The following TFEB variants were observed in gnomAD, a reference collection of about 807,000 sequenced individuals.
TFEB encodes transcription factor EB, also known as T-cell transcription factor EB.
Under a neutral mutation model 48.0 loss-of-function variants are expected in TFEB, and 12 were observed. That is an observed-to-expected ratio of 0.25 (90% CI 0.16 to 0.40). The LOEUF is 0.40. TFEB is among the 10% of genes least tolerant of loss of function. The pLI is 1.00. For missense variants in TFEB, 509 were observed against 640.3 expected (o/e 0.79, Z 2.21); for synonymous variants, 244 against 261.4 (o/e 0.93, Z 0.64).
intron 1 of TFEB, among the ~76,000 whole-genome samples, chr6:41,704,577 G>C (rs1770106953): frequency 6.6e-6 from 1 of 152,234 alleles, no homozygotes; most frequent in East Asian, 1.9e-4. Context: ...CTGTTTGCTG[G>C]TTAGAAACAG....
chr6:41,710,472 G>C lies in TFEB; in HGVS notation c.-22-19237C>G, dbSNP rs73735937. On this transcript the variant is annotated intron_variant, in intron 1 of 8. Coordinates refer to ENST00000373033, the MANE Select transcript of TFEB (RefSeq NM_001271944.2). ...CAGAATGCAGGGATTTGGGACAGGG[G>C]TAACTACGGATCAGAAAGAAGAGGC... Among the ~76,000 whole-genome samples, 527 of 152,342 alleles carry C rather than the reference G, an allele frequency of 3.5e-3. 1 individual carries two copies. Among genetic ancestry groups the C allele is most frequent in the African/African-American group, 0.011 (468 of 41,570 alleles).
rs1324396603 is a variant in TFEB, at chr6:41,687,978, G to A, written c.600C>T (p.Val200=). 6.2e-7 allele frequency: 1 copy of A among 1,613,878 alleles called. No homozygotes were observed. The highest frequency in any genetic ancestry group is 8.5e-7 in the Non-Finnish European group (1 of 1,179,968). ...HLNVYSSDPQ[V]TASLVGVTSS... ...TGGTGACGCCCACCAGGGAGGCTGT[G>A]ACCTGGGGGTCGCTGCTGTACACAT... The change falls in exon 5 of 9, where the codon GTC becomes GTT. Residue 200 remains valine (V), a synonymous_variant. Transcript: ENST00000373033.
At chr6:41,732,765 G>A (rs1771507740) in intron 1 of TFEB, 8 of 985,870 alleles carry the variant, frequency 8.1e-6, no homozygotes, top group South Asian at 4.7e-5. Context: ...TGTTCACTGC[G>A]TCCTGGGACG....
chr6:41,698,722 G>A (rs1769741806), intron 1 of TFEB, among the ~76,000 whole-genome samples: 1 of 152,268 alleles, frequency 6.6e-6, no homozygotes, highest in East Asian at 1.9e-4. Flanking sequence ...AAAGCTTCCT[G>A]AACAGGTTCG....
At chr6:41,735,054 C>T in intron 1 of TFEB, 1 of 985,318 alleles carries the variant, frequency 1.0e-6, no homozygotes, top group Non-Finnish European at 1.2e-6. Flanking sequence ...CCCATGCCCG[C>T]CCGGCCCCTC....
intron 1 of TFEB, among the ~76,000 whole-genome samples, chr6:41,717,911 G>A (rs73735940): frequency 6.6e-6 from 1 of 151,976 alleles, no homozygotes; most frequent in Non-Finnish European, 1.5e-5. Flanking sequence ...TGGAAAATGG[G>A]GCTTTAAACA....
intron 1 of TFEB, among the ~76,000 whole-genome samples, chr6:41,714,025 C>T (rs115937300): frequency 0.025 from 3,816 of 152,280 alleles, 135 homozygotes; most frequent in African/African-American, 0.085. Flanking sequence ...ACCTCAGCTC[C>T]GAGGGCTCCT....
At chr6:41,726,155 C>T (rs190891984) in intron 1 of TFEB, among the ~76,000 whole-genome samples, 6 of 152,278 alleles carry the variant, frequency 3.9e-5, no homozygotes, top group South Asian at 2.1e-4. Context: ...TAACAGACTA[C>T]GGCTATACAC....
In TFEB at chr6:41,686,137, A is replaced by C. The variant is rs776003877; in HGVS notation, c.904T>G (p.Ser302Ala). The change falls in exon 8 of 9, where the codon TCT becomes GCT. Residue 302 changes from serine (S) to alanine (A), a missense_variant. By Grantham distance (99) the Ser-to-Ala change is moderately conservative. Transcript: ENST00000373033. ...LQKSRELENHSRRLEMTNKQL... is the reference protein window; with the variant it reads ...LQKSRELENHARRLEMTNKQL... ...TTGTTGGTCATCTCCAGGCGGCGAG[A>C]GTGGTTCTCCAGCTCCCTGGACTTT... The C allele has an allele frequency of 5.6e-6, 9 of 1,614,232 alleles. No individual in the cohort carries two copies. In the Admixed American group the frequency reaches 1.5e-4, roughly 27 times the overall value.
chr6:41,696,412 G>T (rs532790335), intron 1 of TFEB, among the ~76,000 whole-genome samples: 1 of 152,294 alleles, frequency 6.6e-6, no homozygotes, highest in Non-Finnish European at 1.5e-5. Flanking sequence ...GAAGTGGTGG[G>T]CCAGGCATGG....
At position 41,724,428 on chromosome 6, in the gene TFEB, T is replaced by C. The variant is rs778224029; in HGVS notation, c.-23+10922A>G. On this transcript the variant is annotated intron_variant, in intron 1 of 8. Coordinates refer to ENST00000373033, the MANE Select transcript of TFEB (RefSeq NM_001271944.2). This position sits in a 1 kb window ranked among gnomAD's most constrained non-coding sequence, Gnocchi z 4.4. ...AGGAGATGAGGCAGGCCGTGGCTCC[T>C]GGAGAAGGCAGGAGATGCCAGCAAT... 5.9e-5 allele frequency among the ~76,000 whole-genome samples: 9 copies of C among 152,066 alleles called. No homozygotes were observed. The highest frequency in any genetic ancestry group is 8.8e-5 in the Non-Finnish European group (6 of 68,008).
chr6:41,701,957 AAAAG>A (rs1251236563), intron 1 of TFEB, among the ~76,000 whole-genome samples: 7 of 151,810 alleles, frequency 4.6e-5, no homozygotes, highest in Non-Finnish European at 8.8e-5. Flanking sequence ...AAAAAAAAAA[AAAAG>A]AAAGATTAAG....
At chr6:41,695,791 G>A (rs994168678) in intron 1 of TFEB, among the ~76,000 whole-genome samples, 8 of 152,182 alleles carry the variant, frequency 5.3e-5, no homozygotes, top group African/African-American at 1.7e-4. Flanking sequence ...GAATATGTGC[G>A]ACTTGTGTGA....
intron 7 of TFEB, 160 bp from the exon 8 acceptor site, chr6:41,686,397 G>T: frequency 1.2e-6 from 1 of 847,952 alleles, no homozygotes; most frequent in Non-Finnish European, 1.8e-6. Context: ...CACAGAATGG[G>T]CCCTCCTGGT....
Position 41,730,715 on chromosome 6 carries a change from A to G in TFEB, c.-23+4635T>C, listed in dbSNP as rs116423388. ...CACTGCGATTTTATCTCTGTCCCCA[A>G]TGACATCACAGCCAAGGGGATCTGT... On this transcript the variant is annotated intron_variant, in intron 1 of 8. Transcript: ENST00000373033. This position sits in a 1 kb window ranked among gnomAD's most constrained non-coding sequence, Gnocchi z 4.1. Among the ~76,000 whole-genome samples, 426 of 152,334 alleles carry G rather than the reference A, an allele frequency of 2.8e-3. 3 individuals carry two copies. The highest frequency in any genetic ancestry group is 9.4e-3 in the African/African-American group (389 of 41,570).
intron 1 of TFEB, among the ~76,000 whole-genome samples, chr6:41,714,425 G>T (rs545598376): frequency 6.6e-6 from 1 of 152,326 alleles, no homozygotes; most frequent in South Asian, 2.1e-4. Flanking sequence ...CTGGAACCCA[G>T]GCTGGGGTAG....
In TFEB at chr6:41,734,745, A is replaced by T. The variant is rs1771600844; in HGVS notation, c.-23+605T>A. On this transcript the variant is annotated intron_variant, in intron 1 of 8. Transcript: ENST00000373033. This position sits in a 1 kb window ranked among gnomAD's most constrained non-coding sequence, Gnocchi z 4.0. ...GGACGGGGCCAGGGGCGGCTTCTTC[A>T]AGAGACCGAGCTGGAGGAAGGGACG... Among the ~76,000 whole-genome samples, 1 of 151,792 alleles carries T rather than the reference A, an allele frequency of 6.6e-6. No homozygotes were observed. Among genetic ancestry groups the T allele is most frequent in the African/African-American group, 2.4e-5 (1 of 41,312 alleles).
chr6:41,688,110 C>T, intron 4 of TFEB, 82 bp from the exon 5 acceptor site: 1 of 1,508,578 alleles, frequency 6.6e-7, no homozygotes, highest in South Asian at 1.2e-5. Context: ...ATCCCAGGAG[C>T]AGTCCTTCCT....
Position 41,723,654 on chromosome 6 carries a change from G to A in TFEB, c.-23+11696C>T, listed in dbSNP as rs575749613. 19 of 756,048 alleles carry A rather than the reference G, an allele frequency of 2.5e-5. 1 individual carries two copies. The East Asian group carries it at 3.9e-4, about 16-fold the overall frequency. The allele number at this position is 756,048 out of a possible 1,614,324, so 46.8% of individuals were successfully genotyped here. A position where few individuals can be genotyped will look rare whatever the true frequency, so the allele number is the denominator to read the frequency against. The stretch of plus-strand genomic sequence containing the variant: ...ACAATCCCCTGGGAGCTGCAAATGC[G>A]GCCGAGGATTACTCACAGCACAGAG... On this transcript the variant is annotated intron_variant, in intron 1 of 8. Transcript: ENST00000373033. The surrounding 1 kb of genome is among the most constrained non-coding windows in gnomAD (Gnocchi z 6.0).
Sources: gnomAD v4.1 joint callset for allele counts (sites outside exome capture counted in the v4.1 genomes callset) on GRCh38, gnomAD v4.1.1 for gene constraint, Gnocchi (gnomAD v3.1) non-coding constraint, MANE v1.5 for transcripts, NCBI Gene and HGNC (gene_info 2026-07-23, HGNC 2026-07-21) for gene names.